The following TPD52L1 variants were observed in gnomAD, a reference collection of about 807,000 sequenced individuals.
The protein encoded by TPD52L1 is tumor protein D53.
In TPD52L1, 18 loss-of-function variants were observed where a neutral mutation model predicts 28.7. The observed-to-expected ratio is 0.63, with a 90% confidence interval of 0.43 to 0.93. The LOEUF (loss-of-function observed/expected upper bound fraction) is 0.93. TPD52L1 is among the 40% of genes least tolerant of loss of function. The pLI is 0.00. For missense variants in TPD52L1, 203 were observed against 254.8 expected, an observed-to-expected ratio of 0.80 and a Z score of 1.39; for synonymous variants, 75 against 88.8, an observed-to-expected ratio of 0.84 and a Z score of 0.88.
At chr6:125,177,411 T>A (rs893555403) in intron 1 of TPD52L1, among the ~76,000 whole-genome samples, 33 of 152,192 alleles carry the variant, frequency 2.2e-4, no homozygotes, top group African/African-American at 7.7e-4. Flanking sequence ...CTTTTTAATG[T>A]CCTTAAAAAG....
chr6:125,223,334 A>C (rs1795379999), intron 2 of TPD52L1, among the ~76,000 whole-genome samples: 1 of 152,194 alleles, frequency 6.6e-6, no homozygotes, highest in Non-Finnish European at 1.5e-5. Flanking sequence ...GGCAAGAGGA[A>C]GACTTCTTTT....
At chr6:125,181,799 T>C (rs780103780) in intron 1 of TPD52L1, among the ~76,000 whole-genome samples, 3 of 152,192 alleles carry the variant, frequency 2.0e-5, no homozygotes, top group Admixed American at 1.3e-4. Flanking sequence ...GGACATATTG[T>C]CTTCTCCCAG....
chr6:125,169,957 C>T (rs185657043), intron 1 of TPD52L1, among the ~76,000 whole-genome samples: 3 of 152,130 alleles, frequency 2.0e-5, no homozygotes, highest in African/African-American at 7.2e-5. Context: ...CTCTTAGGAA[C>T]CTTTGAGTTT....
At chr6:125,171,046 G>A (rs1791268572) in intron 1 of TPD52L1, among the ~76,000 whole-genome samples, 4 of 152,178 alleles carry the variant, frequency 2.6e-5, no homozygotes, top group African/African-American at 9.7e-5. Flanking sequence ...GGCAATGAGA[G>A]TAGCTTGAAC....
At position 125,251,966 on chromosome 6, in the gene TPD52L1, G is replaced by C; in HGVS notation, c.387-1751G>C. 2.0e-6 allele frequency: 3 copies of C among 1,531,578 alleles called. No individual in the cohort carries two copies. In the East Asian group the frequency reaches 7.3e-5, roughly 37 times the overall value. The allele number at this position is 1,531,578 out of a possible 1,614,324, so 94.9% of individuals were successfully genotyped here. ...ACCAAGGGCAGTGCAGTGTTTCTCTGCCTCCTGTTTGCTAACTCTGCTCCT... is the reference window on the plus strand; with the variant it reads ...ACCAAGGGCAGTGCAGTGTTTCTCTCCCTCCTGTTTGCTAACTCTGCTCCT... On this transcript the variant is annotated intron_variant, in intron 4 of 6. Coordinates refer to ENST00000534000, the MANE Select transcript of TPD52L1 (RefSeq NM_003287.4).
intron 2 of TPD52L1, among the ~76,000 whole-genome samples, chr6:125,224,509 GA>G (rs1284248043): frequency 6.9e-6 from 1 of 144,004 alleles, no homozygotes; most frequent in Non-Finnish European, 1.5e-5. Flanking sequence ...GCTCCTTCCT[GA>G]AGACCTTAAC....
intron 3 of TPD52L1, among the ~76,000 whole-genome samples, chr6:125,237,656 A>G (rs928444521): frequency 6.6e-6 from 1 of 152,106 alleles, no homozygotes; most frequent in Non-Finnish European, 1.5e-5. Flanking sequence ...TCAGCATATA[A>G]TACTGTACTT....
chr6:125,187,635 A>G (rs927466725), intron 1 of TPD52L1, among the ~76,000 whole-genome samples: 1 of 152,234 alleles, frequency 6.6e-6, no homozygotes, highest in Non-Finnish European at 1.5e-5. Context: ...TTTAGTATGA[A>G]TGGTGAAGAT....
rs529778970 is a variant in TPD52L1, at chr6:125,212,446, C to T, written c.20-7632C>T. ...CATAGTTTGTAATCATTTTAACTCC[C>T]GGTCCTCTGTATTGTTTCAATCATG... On this transcript the variant is annotated intron_variant, in intron 1 of 6. Coordinates refer to ENST00000534000, the MANE Select transcript of TPD52L1 (RefSeq NM_003287.4). Among the ~76,000 whole-genome samples the T allele has an allele frequency of 1.5e-3, 225 of 152,294 alleles. 4 individuals are homozygous for T. The highest frequency in any genetic ancestry group is 5.2e-3 in the African/African-American group (216 of 41,566).
intron 3 of TPD52L1, among the ~76,000 whole-genome samples, chr6:125,237,172 C>T (rs1562351244): frequency 2.0e-5 from 3 of 152,022 alleles, no homozygotes; most frequent in Admixed American, 1.3e-4. Context: ...GGCTTTTCAC[C>T]GTGAGTATTA....
In TPD52L1 at chr6:125,206,065, CT is replaced by C. The variant is rs762494652; in HGVS notation, c.20-14010del. On this transcript the variant is annotated intron_variant, in intron 1 of 6. Coordinates refer to ENST00000534000, the MANE Select transcript of TPD52L1 (RefSeq NM_003287.4). Reference sequence around the variant, plus strand: ...CAACTTCAGAAGCATCTTCTAAGCTCTTTCTATAGTCAACTGATTAGTACAT... The same window carrying C: ...CAACTTCAGAAGCATCTTCTAAGCTCTTCTATAGTCAACTGATTAGTACAT... 7.2e-5 allele frequency among the ~76,000 whole-genome samples: 11 copies of C among 152,304 alleles called. No homozygotes were observed. In the South Asian group the frequency reaches 2.3e-3, roughly 32 times the overall value.
intron 1 of TPD52L1, among the ~76,000 whole-genome samples, chr6:125,194,005 G>A (rs980293941): frequency 4.7e-5 from 7 of 148,070 alleles, no homozygotes; most frequent in African/African-American, 1.5e-4. Flanking sequence ...AGAATTTTGT[G>A]GAAAAGTCTT....
chr6:125,219,972 T>C lies in TPD52L1; in HGVS notation c.20-106T>C, dbSNP rs1465257143. Reference sequence around the variant, plus strand: ...TTTTCTGGAATTTTTAGTTGTTTTTTGGTGGGAGGGTCTGTCAGTGCATCT... The same window carrying C: ...TTTTCTGGAATTTTTAGTTGTTTTTCGGTGGGAGGGTCTGTCAGTGCATCT... On this transcript the variant is annotated intron_variant, in intron 1 of 6. Coordinates refer to ENST00000534000, the MANE Select transcript of TPD52L1 (RefSeq NM_003287.4). The C allele has an allele frequency of 5.0e-6, 4 of 802,886 alleles. No individual in the cohort carries two copies. The East Asian group carries it at 7.5e-5, about 15-fold the overall frequency. The allele number at this position is 802,886 out of a possible 1,614,324, so 49.7% of individuals were successfully genotyped here.
chr6:125,250,068 T>A (rs1420375327), intron 4 of TPD52L1, among the ~76,000 whole-genome samples: 2 of 152,166 alleles, frequency 1.3e-5, no homozygotes, highest in African/African-American at 4.8e-5. Flanking sequence ...AATTAAATAA[T>A]CCTTTAAAAT....
intron 1 of TPD52L1, among the ~76,000 whole-genome samples, chr6:125,197,996 A>G (rs1349689568): frequency 6.6e-6 from 1 of 152,140 alleles, no homozygotes; most frequent in Non-Finnish European, 1.5e-5. Context: ...GTTAAATAAG[A>G]AGCAGCCAAG....
At chr6:125,203,854 T>G in intron 1 of TPD52L1, 1 of 916,900 alleles carries the variant, frequency 1.1e-6, no homozygotes, top group Non-Finnish European at 1.3e-6. Flanking sequence ...TCCCTTGACC[T>G]ACTTCTAAAA....
chr6:125,211,441 GA>G (rs766299404), intron 1 of TPD52L1, among the ~76,000 whole-genome samples: 1 of 151,488 alleles, frequency 6.6e-6, no homozygotes, highest in Non-Finnish European at 1.5e-5. Flanking sequence ...TTAAATGTGA[GA>G]AAAAAAAAGT....
In TPD52L1 at chr6:125,240,209, C is replaced by G. The variant is rs1305028188; in HGVS notation, c.285-8073C>G. Among the ~76,000 whole-genome samples, 3 of 152,250 alleles carry G rather than the reference C, an allele frequency of 2.0e-5. No individual in the cohort carries two copies. The East Asian group carries it at 5.8e-4, about 29-fold the overall frequency. On this transcript the variant is annotated intron_variant, in intron 3 of 6. Coordinates refer to ENST00000534000, the MANE Select transcript of TPD52L1 (RefSeq NM_003287.4). Reference sequence around the variant, plus strand: ...TGCCTATTTTTATACCAGTACCATGCTATTTTGGTAACTACAGCCTTGTAG... The same window carrying G: ...TGCCTATTTTTATACCAGTACCATGGTATTTTGGTAACTACAGCCTTGTAG...
At chr6:125,204,417 C>T (rs1202402172) in intron 1 of TPD52L1, among the ~76,000 whole-genome samples, 1 of 152,086 alleles carries the variant, frequency 6.6e-6, no homozygotes, top group Non-Finnish European at 1.5e-5. Flanking sequence ...GGTTGCAAGT[C>T]TTGGTTATTT....
Sources: allele counts gnomAD v4.1 joint callset (sites outside exome capture counted in the v4.1 genomes callset), GRCh38; gene constraint gnomAD v4.1.1; transcripts MANE v1.5; gene names NCBI Gene and HGNC (gene_info 2026-07-23, HGNC 2026-07-21).